Variants in LIG4 observed in about 807,000 individuals in gnomAD.
LIG4 encodes DNA ligase 4, also known as DNA joinase.
In LIG4, 13 loss-of-function variants were observed where a neutral mutation model predicts 19.0. The observed-to-expected ratio is 0.68, with a 90% CI of 0.44 to 1.09. The LOEUF is 1.09. LIG4 is among the 50% of genes least tolerant of loss of function. LIG4 has a pLI of 0.00. For missense variants in LIG4, 1,026 were observed against 1,089.7 expected (o/e 0.94, Z 0.82); for synonymous variants, 361 against 358.2 (o/e 1.01, Z -0.09).
At chr13:108,212,183 A>C (rs540463101) in intron 2 of LIG4, among the ~76,000 whole-genome samples, 18 of 151,014 alleles carry the variant, frequency 1.2e-4, no homozygotes, top group African/African-American at 4.4e-4. Context: ...ATTCTGTAAA[A>C]AAAAAAAAAG....
chr13:108,214,987 G>T (rs965406849), intron 1 of LIG4, among the ~76,000 whole-genome samples: 2 of 40,698 alleles, frequency 4.9e-5, no homozygotes, highest in African/African-American at 1.0e-4. Flanking sequence ...CACATCCCCC[G>T]CCTGACGACC....
chr13:108,212,625 G>A (rs1029754538), intron 2 of LIG4, among the ~76,000 whole-genome samples: 1 of 151,888 alleles, frequency 6.6e-6, no homozygotes, highest in Middle Eastern at 3.4e-3. Flanking sequence ...TGCTGGGAGT[G>A]GGGAGATCTA....
At position 108,210,174 on chromosome 13, in the gene LIG4, A is replaced by T; in HGVS notation, c.1095T>A (p.Cys365Ter). ...VEDSDLQTCY[C>*]VFDVLMVNNK... ...TATTAACCATCAATACATCAAAAAC[A>T]CAATAACAAGTTTGCAGATCAGAAT... The change falls in exon 3 of 3, where the codon TGT becomes TGA. Residue 365 changes from cysteine to a stop codon, truncating the protein, a stop_gained. Transcript: ENST00000442234. LOFTEE classifies it low-confidence loss of function (END_TRUNC). 6.2e-7 allele frequency: 1 copy of T among 1,613,880 alleles called. No homozygotes were observed. Among genetic ancestry groups the T allele is most frequent in the Non-Finnish European group, 8.5e-7 (1 of 1,179,960 alleles).
intron 2 of LIG4, among the ~76,000 whole-genome samples, chr13:108,213,751 A>C (rs1013432048): frequency 6.6e-6 from 1 of 152,228 alleles, no homozygotes; most frequent in Admixed American, 6.5e-5. Context: ...CAGCTGTGTG[A>C]TACTGGGCAA....
rs1878565066 is a variant in LIG4 at position 108,210,749 on chromosome 13, G to A, written c.520C>T (p.Leu174Phe). 2.5e-6 allele frequency: 4 copies of A among 1,613,940 alleles called. No individual in the cohort carries two copies. The highest frequency in any genetic ancestry group is 1.7e-6 in the Non-Finnish European group (2 of 1,179,982). Residue 174 changes from leucine (L) to phenylalanine (F), a missense_variant, in exon 3 of 3, where the codon CTT becomes TTT. By Grantham distance (22) the Leu-to-Phe change is conservative. Coordinates refer to ENST00000442234, the MANE Select transcript of LIG4 (RefSeq NM_206937.2). Reference sequence around the variant, plus strand: ...TCAAGTGCTGAACTCTGAGTTATAAGTTGAAGAAGGCTCTTTTTTATTAGG... The same window carrying A: ...TCAAGTGCTGAACTCTGAGTTATAAATTGAAGAAGGCTCTTTTTTATTAGG... ...KDLIKKSLLQ[L>F]ITQSSALEQK...
chr13:108,211,365 C>T (rs994643720), intron 2 of LIG4, 69 bp from the exon 3 acceptor site: 2 of 904,214 alleles, frequency 2.2e-6, no homozygotes, highest in African/African-American at 1.6e-5. Flanking sequence ...ATGTAAAGAT[C>T]TTACAAAGAT....
Position 108,209,585 on chromosome 13 carries a change from C to T in LIG4, c.1684G>A (p.Ala562Thr). 1.9e-6 allele frequency: 3 copies of T among 1,614,086 alleles called. No homozygotes were observed. The highest frequency in any genetic ancestry group is 2.5e-6 in the Non-Finnish European group (3 of 1,180,004). Residue 562 changes from alanine to threonine, a missense_variant, in exon 3 of 3, where the codon GCA becomes ACA. Coordinates refer to ENST00000442234, the MANE Select transcript of LIG4 (RefSeq NM_206937.2). Reference protein sequence around the residue: ...CNSVIVQIKAAEIVPSDMYKT... With the variant: ...CNSVIVQIKATEIVPSDMYKT... ...TACATATCACTGGGTACGATCTCTG[C>T]TGCTTTAATCTGAACAATGACAGAA...
rs1446904158 is a variant in LIG4, at chr13:108,208,509, C to T, written c.*24G>A. On this transcript the variant is annotated 3_prime_UTR_variant, in exon 3 of 3. Coordinates refer to ENST00000442234, the MANE Select transcript of LIG4 (RefSeq NM_206937.2). ...TGCAATGAGTCTGCCAGATCAGAGG[C>T]TTTCCTCACTAGGAAACCTAGCTTT... 2 of 1,469,178 alleles carry T rather than the reference C, an allele frequency of 1.4e-6. No homozygotes were observed. Among genetic ancestry groups the T allele is most frequent in the East Asian group, 2.3e-5 (1 of 44,132 alleles). 91.0% of individuals were successfully genotyped at this position (1,469,178 alleles called of 1,614,324 possible).
upstream of LIG4, among the ~76,000 whole-genome samples, chr13:108,216,620 T>C (rs967122434): frequency 2.0e-5 from 3 of 152,230 alleles, no homozygotes; most frequent in African/African-American, 7.2e-5. Context: ...TGATATTGTT[T>C]TGTGAGTATC....
chr13:108,209,348 T>C lies in LIG4; in HGVS notation c.1921A>G (p.Ile641Val). ...APKMKKVIGI[I>V]EHLKAPNLTN... Reference sequence around the variant, plus strand: ...AGGTTAGGTGCTTTTAAGTGCTCAATAATTCCAATAACTTTCTTCATCTTT... The same window carrying C: ...AGGTTAGGTGCTTTTAAGTGCTCAACAATTCCAATAACTTTCTTCATCTTT... Residue 641 changes from isoleucine (I) to valine (V), a missense_variant, in exon 3 of 3, where the codon ATT (isoleucine) becomes GTT (valine). Ile to Val is a conservative substitution (Grantham distance 29). This residue lies in a region of LIG4 where 521 missense variants were observed against 515.5 expected (regional missense o/e 1.01). Coordinates refer to ENST00000442234, the MANE Select transcript of LIG4 (RefSeq NM_206937.2). 1 of 1,614,134 alleles carries C rather than the reference T, an allele frequency of 6.2e-7. No individual in the cohort carries two copies. Among genetic ancestry groups the C allele is most frequent in the Non-Finnish European group, 8.5e-7 (1 of 1,179,996 alleles).
In LIG4 at chr13:108,210,286, A is replaced by G; in HGVS notation, c.983T>C (p.Leu328Pro). The G allele has an allele frequency of 3.7e-6, 6 of 1,614,010 alleles. No individual in the cohort carries two copies. The highest frequency in any genetic ancestry group is 5.1e-6 in the Non-Finnish European group (6 of 1,179,926). The change falls in exon 3 of 3, where the codon CTT becomes CCT. Residue 328 changes from leucine to proline, a missense_variant. Physicochemically the swap from Leu to Pro is moderately conservative, Grantham distance 98. Around this residue, in one of 3 missense-constraint regions of LIG4, gnomAD observed 493 missense variants for 544.5 expected, o/e 0.91. Transcript: ENST00000442234. ...AFKADIQICILDGEMMAYNPN... is the reference protein window; with the variant it reads ...AFKADIQICIPDGEMMAYNPN... ...ATTATAGGCCATCATCTCACCATCA[A>G]GAATACAGATTTGTATATCTGCTTT...
Position 108,208,818 on chromosome 13 carries a change from G to A in LIG4, c.2451C>T (p.Thr817=), listed in dbSNP as rs757299963. The A allele has an allele frequency of 6.8e-6, 11 of 1,613,956 alleles. No homozygotes were observed. The highest frequency in any genetic ancestry group is 1.7e-5 in the Admixed American group (1 of 59,996). Residue 817 remains threonine (T), a synonymous_variant, in exon 3 of 3, where the codon ACC becomes ACT. Coordinates refer to ENST00000442234, the MANE Select transcript of LIG4 (RefSeq NM_206937.2). The part of the protein sequence containing the change: ...CSPLSMFRRH[T]VYLDSYAVIN... Reference sequence around the variant, plus strand: ...TAACAGCATACGAGTCCAAATAAACGGTGTGGCGTCGAAACATACTGAGAG... The same window carrying A: ...TAACAGCATACGAGTCCAAATAAACAGTGTGGCGTCGAAACATACTGAGAG...
In LIG4 at chr13:108,209,263, C is replaced by T; in HGVS notation, c.2006G>A (p.Gly669Glu). ...FEDVEFCVMS[G>E]TDSQPKPDLE... ...GTCAGGCTTTGGCTGGCTATCTGTT[C>T]CACTCATAACACAAAACTCTACATC... is the stretch of plus-strand genomic sequence containing the variant. Residue 669 changes from glycine (G) to glutamate (E), a missense_variant, in exon 3 of 3, where the codon GGA becomes GAA. Gly to Glu is a moderately conservative substitution (Grantham distance 98). Around this residue, in one of 3 missense-constraint regions of LIG4, gnomAD observed 521 missense variants for 515.5 expected, o/e 1.01. Coordinates refer to ENST00000442234, the MANE Select transcript of LIG4 (RefSeq NM_206937.2). 1 of 1,614,092 alleles carries T rather than the reference C, an allele frequency of 6.2e-7. No individual in the cohort carries two copies. The highest frequency in any genetic ancestry group is 8.5e-7 in the Non-Finnish European group (1 of 1,179,996).
chr13:108,216,677 G>C (rs1293829638), upstream of LIG4, among the ~76,000 whole-genome samples: 1 of 152,176 alleles, frequency 6.6e-6, no homozygotes, highest in Non-Finnish European at 1.5e-5. Flanking sequence ...AAAATGAATA[G>C]TGTTAAGGTA....
At position 108,210,672 on chromosome 13, in the gene LIG4, A is replaced by T; in HGVS notation, c.597T>A (p.Ser199Arg). Residue 199 changes from serine (S) to arginine (R), a missense_variant, in exon 3 of 3, where the codon AGT becomes AGA. Transcript: ENST00000442234. ...GAAAAACAGAAAAGATAGTTTGCTGACTAACACCAAGCTTTAAATCCTTTA... is the reference window on the plus strand; with the variant it reads ...GAAAAACAGAAAAGATAGTTTGCTGTCTAACACCAAGCTTTAAATCCTTTA... ...MIIKDLKLGV[S>R]QQTIFSVFHN... 6.2e-7 allele frequency: 1 copy of T among 1,613,836 alleles called. No homozygotes were observed. Among genetic ancestry groups the T allele is most frequent in the Non-Finnish European group, 8.5e-7 (1 of 1,179,964 alleles).
chr13:108,212,874 C>T (rs1157428047), intron 2 of LIG4, among the ~76,000 whole-genome samples: 1 of 151,988 alleles, frequency 6.6e-6, no homozygotes, highest in African/African-American at 2.4e-5. Flanking sequence ...GAGTTGACTC[C>T]TGGATAAGCA....
upstream of LIG4, among the ~76,000 whole-genome samples, chr13:108,216,068 T>C (rs1195598467): frequency 1.3e-5 from 2 of 152,132 alleles, no homozygotes; most frequent in East Asian, 1.9e-4. Flanking sequence ...ACTTACAATA[T>C]AGAAATAAAC....
chr13:108,216,898 G>T (rs149247836), upstream of LIG4, among the ~76,000 whole-genome samples: 235 of 151,752 alleles, frequency 1.5e-3, 1 homozygote, highest in African/African-American at 4.9e-3. Context: ...TTGGTTCAAA[G>T]ACAATCAAGG....
At chr13:108,211,597 T>C (rs1878674545) in intron 2 of LIG4, among the ~76,000 whole-genome samples, 1 of 152,226 alleles carries the variant, frequency 6.6e-6, no homozygotes, top group African/African-American at 2.4e-5. Context: ...TATGTATTAA[T>C]TATTTAGCAC....
Sources: gnomAD v4.1 joint callset for allele counts (sites outside exome capture counted in the v4.1 genomes callset) on GRCh38, gnomAD v4.1.1 for gene constraint, gnomAD v4.1.1 regional missense constraint, MANE v1.5 for transcripts, NCBI Gene and HGNC (gene_info 2026-07-23, HGNC 2026-07-21) for gene names.